CDHR3: variants seen among roughly 807,000 people sequenced by gnomAD.
The protein encoded by CDHR3 is cadherin-related family member 3.
CDHR3 carries 79 observed loss-of-function variants against 86.6 expected under a neutral mutation model. That is an observed-to-expected ratio of 0.91 (90% confidence interval 0.76 to 1.10). The LOEUF is 1.10. Ranked by LOEUF, CDHR3 falls within the 50% of genes least tolerant of loss-of-function variation. The pLI, the probability that CDHR3 is intolerant of heterozygous loss-of-function variation, is 0.00. For missense variants in CDHR3, 1,081 were observed against 1,077.6 expected (o/e 1.00, Z -0.04); for synonymous variants, 421 against 402.4 (o/e 1.05, Z -0.55).
intron 8 of CDHR3, among the ~76,000 whole-genome samples, chr7:106,010,548 G>A (rs1022381814): frequency 6.6e-6 from 1 of 152,184 alleles, no homozygotes; most frequent in African/African-American, 2.4e-5. Flanking sequence ...TCCATTACAC[G>A]CTCCAGCAAG....
chr7:106,034,657 A>G lies in CDHR3; in HGVS notation c.*1960A>G, dbSNP rs528817538. ...AGTGAAGTGGCTGATTGCCCATTTA[A>G]GGCATTGCAAATCTGTGGGGCCCGG... On this transcript the variant is annotated 3_prime_UTR_variant, in exon 19 of 19. Transcript: ENST00000317716. Among the ~76,000 whole-genome samples, 1 of 152,366 alleles carries G rather than the reference A, an allele frequency of 6.6e-6. No homozygotes were observed. Among genetic ancestry groups the G allele is most frequent in the East Asian group, 1.9e-4 (1 of 5,194 alleles).
At chr7:105,963,400 C>T in intron 1 of CDHR3, 36 bp downstream of exon 1, 1 of 1,604,766 alleles carries the variant, frequency 6.2e-7, no homozygotes, top group Non-Finnish European at 8.5e-7. Flanking sequence ...CCTTGCTTGC[C>T]TACTTGGTCT....
At chr7:106,028,633 C>A in intron 17 of CDHR3, 51 bp downstream of exon 17, 1 of 1,598,984 alleles carries the variant, frequency 6.3e-7, no homozygotes, top group Non-Finnish European at 8.6e-7. Flanking sequence ...GGGATAGGGG[C>A]TCCCGTCTCC....
chr7:106,013,093 C>A, intron 9 of CDHR3, 62 bp downstream of exon 9: 5 of 1,435,172 alleles, frequency 3.5e-6, no homozygotes, highest in Non-Finnish European at 3.7e-6. Context: ...ATGCATCATG[C>A]TTTTGCTGCC....
intron 2 of CDHR3, among the ~76,000 whole-genome samples, chr7:105,980,744 T>C (rs1005726679): frequency 6.6e-6 from 1 of 151,976 alleles, no homozygotes; most frequent in Admixed American, 6.6e-5. Flanking sequence ...CTATTTTTCT[T>C]TCCTAGGAAA....
intron 5 of CDHR3, among the ~76,000 whole-genome samples, chr7:105,995,686 T>A (rs1373617465): frequency 6.6e-6 from 1 of 152,238 alleles, no homozygotes; most frequent in Non-Finnish European, 1.5e-5. Context: ...GTTGGCTTGA[T>A]GCCTTTTGAA....
At chr7:105,993,682 A>C (rs1248306888) in intron 4 of CDHR3, among the ~76,000 whole-genome samples, 2 of 77,426 alleles carry the variant, frequency 2.6e-5, no homozygotes, top group Admixed American at 1.2e-4. Context: ...TCTCACAAAA[A>C]AAAAAAAAAA....
At chr7:105,991,897 G>T (rs997432309) in intron 4 of CDHR3, among the ~76,000 whole-genome samples, 1 of 152,154 alleles carries the variant, frequency 6.6e-6, no homozygotes, top group African/African-American at 2.4e-5. Flanking sequence ...ATGATAACCC[G>T]TGGGGCATGC....
chr7:105,979,383 C>T (rs544406749), intron 2 of CDHR3, among the ~76,000 whole-genome samples: 6 of 152,224 alleles, frequency 3.9e-5, no homozygotes, highest in Non-Finnish European at 5.9e-5. Flanking sequence ...TTTCCCCCCT[C>T]GACAATCTTC....
At chr7:105,994,100 T>C (rs1443176470) in intron 4 of CDHR3, among the ~76,000 whole-genome samples, 1 of 152,240 alleles carries the variant, frequency 6.6e-6, no homozygotes, top group Non-Finnish European at 1.5e-5. Flanking sequence ...CCTTGTCCCT[T>C]GTTCCTTCAG....
chr7:106,011,215 T>A (rs1834749615), intron 8 of CDHR3, among the ~76,000 whole-genome samples: 1 of 152,212 alleles, frequency 6.6e-6, no homozygotes, highest in Admixed American at 6.5e-5. Flanking sequence ...TTGCTCTTTA[T>A]GCATGCTCCT....
intron 8 of CDHR3, among the ~76,000 whole-genome samples, chr7:106,008,724 T>C (rs1177719841): frequency 6.6e-6 from 1 of 152,086 alleles, no homozygotes; most frequent in Non-Finnish European, 1.5e-5. Context: ...TGGAGACAAT[T>C]TGCAGCATCA....
intron 8 of CDHR3, among the ~76,000 whole-genome samples, chr7:106,011,709 G>A (rs1834835981): frequency 6.6e-6 from 1 of 152,198 alleles, no homozygotes; most frequent in Admixed American, 6.5e-5. Context: ...ACTGAAACCT[G>A]GAGACATGAG....
chr7:106,015,820 AT>A (rs1404867067), intron 10 of CDHR3, 106 bp from the exon 11 acceptor site: 1 of 816,500 alleles, frequency 1.2e-6, no homozygotes, highest in Non-Finnish European at 2.1e-6. Flanking sequence ...GCCACCTGGT[AT>A]CCCCTATGCG....
At position 105,963,364 on chromosome 7, in the gene CDHR3, G is replaced by C; in HGVS notation, c.46G>C (p.Gly16Arg). The change falls in exon 1 of 19, where the codon GGG becomes CGG. Residue 16 changes from glycine (G) to arginine (R), a missense_variant and splice_region_variant. By Grantham distance (125) the Gly-to-Arg change is moderately radical. Transcript: ENST00000317716. The stretch of plus-strand genomic sequence containing the variant: ...CCTGGCTCTCCTGGGTGCCATGTCA[G>C]GTAGGAACTCAATTTTGCTTTGGAA... ...ILLALLGAMS[G>R]GEALHLILLP... 1 of 1,613,916 alleles carries C rather than the reference G, an allele frequency of 6.2e-7. No individual in the cohort carries two copies. Among genetic ancestry groups the C allele is most frequent in the Non-Finnish European group, 8.5e-7 (1 of 1,179,800 alleles).
intron 17 of CDHR3, among the ~76,000 whole-genome samples, chr7:106,029,243 A>G (rs541347401): frequency 6.6e-6 from 1 of 152,252 alleles, no homozygotes; most frequent in Non-Finnish European, 1.5e-5. Context: ...GGCCTCCCAA[A>G]GTGCTGGGAT....
At chr7:105,995,134 C>T (rs989050868) in intron 5 of CDHR3, among the ~76,000 whole-genome samples, 1 of 152,172 alleles carries the variant, frequency 6.6e-6, no homozygotes, top group South Asian at 2.1e-4. Context: ...CAGGTCCATG[C>T]ACATTTGTGT....
intron 8 of CDHR3, among the ~76,000 whole-genome samples, chr7:106,012,310 A>G (rs1834933537): frequency 6.6e-6 from 1 of 152,150 alleles, no homozygotes; most frequent in Non-Finnish European, 1.5e-5. Context: ...CGGGCAGGGA[A>G]CATTGCCATT....
intron 3 of CDHR3, among the ~76,000 whole-genome samples, chr7:105,983,403 A>G (rs995175262): frequency 6.6e-6 from 1 of 152,210 alleles, no homozygotes; most frequent in Non-Finnish European, 1.5e-5. Context: ...TTCTCATTTG[A>G]AAAGCACTAA....
Sources: allele counts gnomAD v4.1 joint callset (sites outside exome capture counted in the v4.1 genomes callset), GRCh38; gene constraint gnomAD v4.1.1; transcripts MANE v1.5; gene names NCBI Gene and HGNC (gene_info 2026-07-23, HGNC 2026-07-21).